The following VPS25 variants were observed in gnomAD, a reference collection of about 807,000 sequenced individuals.
The protein encoded by VPS25 is vacuolar protein-sorting-associated protein 25.
In VPS25, 21 loss-of-function variants were observed where a neutral mutation model predicts 30.3. The ratio of observed to expected loss-of-function variants is 0.69; its 90% CI spans 0.49 to 1.00. VPS25 has a LOEUF of 1.00. Among genes scored for constraint, VPS25 ranks in the 50% least tolerant of loss-of-function variants. The pLI, the probability that VPS25 is intolerant of heterozygous loss-of-function variation, is 0.00. For synonymous variants in VPS25, 101 were observed against 88.1 expected (o/e 1.15, Z -0.82); for missense variants, 156 against 217.2 (o/e 0.72, Z 1.77).
intron 3 of VPS25, chr17:42,774,937 T>C (rs142371799): frequency 2.5e-4 from 108 of 435,744 alleles, no homozygotes; most frequent in African/African-American, 2.0e-3. Flanking sequence ...GCCTTGTAGA[T>C]AATAATAGTA....
intron 5 of VPS25, among the ~76,000 whole-genome samples, chr17:42,776,616 C>G (rs1482440077): frequency 6.6e-6 from 1 of 151,116 alleles, no homozygotes; most frequent in African/African-American, 2.4e-5. Flanking sequence ...CCTGCCTTGG[C>G]CTCCCAAAGT....
intron 2 of VPS25, among the ~76,000 whole-genome samples, 167 bp from the exon 3 acceptor site, chr17:42,774,479 C>T (rs1266946553): frequency 6.6e-6 from 1 of 151,374 alleles, no homozygotes; most frequent in Non-Finnish European, 1.5e-5. Context: ...TTCTCTTTAC[C>T]TTCCTCCTTT....
intron 3 of VPS25, 35 bp downstream of exon 3, chr17:42,774,734 C>G: frequency 6.3e-7 from 1 of 1,598,066 alleles, no homozygotes; most frequent in Non-Finnish European, 8.6e-7. Flanking sequence ...TATTTTTCTT[C>G]CTAGTTGGGT....
In VPS25 at chr17:42,774,653, T is replaced by G; in HGVS notation, c.207T>G (p.Leu69=). The G allele has an allele frequency of 1.2e-6, 2 of 1,612,664 alleles. No individual in the cohort carries two copies. Residue 69 remains leucine (L), a synonymous_variant, in exon 3 of 6, where the codon CTT becomes CTG. Coordinates refer to ENST00000253794, the MANE Select transcript of VPS25 (RefSeq NM_032353.4). Reference sequence around the variant, plus strand: ...CCCTTAACCTTAAACCAGGAAAGCTTCCTGTGGAGTCGATCCAGATTGTAT... The same window carrying G: ...CCCTTAACCTTAAACCAGGAAAGCTGCCTGTGGAGTCGATCCAGATTGTAT... The part of the protein sequence containing the change: ...LFNNVKLQRK[L]PVESIQIVLE...
Position 42,773,812 on chromosome 17 carries a change from A to C in VPS25, c.133A>C (p.Lys45Gln), listed in dbSNP as rs540874574. ...SLVLSFCRLH[K>Q]QSSMTVMEAQ... is the part of the protein sequence containing the mutation. ...GGTCCTGTCCTTCTGCCGCCTGCAC[A>C]AACAGTCCAGCATGACGGTGATGGA... is the stretch of plus-strand genomic sequence containing the variant. The change falls in exon 2 of 6, where the codon AAA becomes CAA. Residue 45 changes from lysine to glutamine, a missense_variant. Coordinates refer to ENST00000253794, the MANE Select transcript of VPS25 (RefSeq NM_032353.4). 66 of 1,614,132 alleles carry C rather than the reference A, an allele frequency of 4.1e-5. No homozygotes were observed. The highest frequency in any genetic ancestry group is 3.5e-4 in the Admixed American group (21 of 60,018).
intron 5 of VPS25, among the ~76,000 whole-genome samples, chr17:42,777,986 CAGCACTGT>C (rs1760941886): frequency 6.6e-6 from 1 of 152,062 alleles, no homozygotes; most frequent in Non-Finnish European, 1.5e-5. Flanking sequence ...CCCATGATTT[CAGCACTGT>C]AGCCTTGCCT....
At chr17:42,777,206 G>A (rs1019830322) in intron 5 of VPS25, among the ~76,000 whole-genome samples, 3 of 151,982 alleles carry the variant, frequency 2.0e-5, no homozygotes, top group African/African-American at 7.2e-5. Context: ...GCAACAGAGC[G>A]AGATGCTATC....
intron 1 of VPS25, 57 bp downstream of exon 1, chr17:42,773,585 G>A: frequency 6.2e-7 from 1 of 1,613,600 alleles, no homozygotes; most frequent in Non-Finnish European, 8.5e-7. Context: ...CCCGGACCCT[G>A]GGCTCAGCCC....
At chr17:42,776,154 C>G in intron 4 of VPS25, 91 bp from the exon 5 acceptor site, 1 of 1,139,694 alleles carries the variant, frequency 8.8e-7, no homozygotes, top group South Asian at 1.4e-5. Flanking sequence ...GAATAGGTAT[C>G]ATTCCTGGAT....
At chr17:42,776,661 CTGT>C (rs2054437780) in intron 5 of VPS25, among the ~76,000 whole-genome samples, 1 of 142,170 alleles carries the variant, frequency 7.0e-6, no homozygotes. Context: ...TGTGCCCCGC[CTGT>C]TTTTTTTTTT....
intron 3 of VPS25, chr17:42,775,043 A>T (rs760679630): frequency 3.0e-5 from 11 of 363,756 alleles, no homozygotes; most frequent in Non-Finnish European, 5.5e-5. Context: ...TTAGTTCATG[A>T]TACTTTTTTT....
Position 42,779,145 on chromosome 17 carries a change from C to A in VPS25, c.*76C>A. 7.4e-7 allele frequency: 1 copy of A among 1,351,818 alleles called. No individual in the cohort carries two copies. The highest frequency in any genetic ancestry group is 1.0e-6 in the Non-Finnish European group (1 of 967,196). 83.7% of individuals were successfully genotyped at this position (1,351,818 alleles called of 1,614,324 possible). A position where few individuals can be genotyped will look rare whatever the true frequency, so the allele number is the denominator to read the frequency against. Reference sequence around the variant, plus strand: ...AAAAGGAGACAGACCCAGTGTCCCCCAAAGACTGGATCTGTGACTCCACCA... The same window carrying A: ...AAAAGGAGACAGACCCAGTGTCCCCAAAAGACTGGATCTGTGACTCCACCA... On this transcript the variant is annotated 3_prime_UTR_variant, in exon 6 of 6. Transcript: ENST00000253794.
intron 5 of VPS25, among the ~76,000 whole-genome samples, chr17:42,777,176 G>A (rs927353794): frequency 8.5e-5 from 13 of 152,232 alleles, no homozygotes; most frequent in Admixed American, 6.5e-5. Context: ...CTATGATCAC[G>A]CCACTGCACT....
At chr17:42,778,863 G>T in intron 5 of VPS25, 94 bp from the exon 6 acceptor site, 1 of 1,122,160 alleles carries the variant, frequency 8.9e-7, no homozygotes, top group East Asian at 2.5e-5. Flanking sequence ...TGCATACCCT[G>T]CCTCTGGGAG....
intron 5 of VPS25, 59 bp downstream of exon 5, chr17:42,776,379 C>T: frequency 2.0e-6 from 3 of 1,524,222 alleles, no homozygotes; most frequent in Non-Finnish European, 2.7e-6. Context: ...TTTTGTTTTT[C>T]CGATATGGAG....
chr17:42,776,268 C>T lies in VPS25; in HGVS notation c.366C>T (p.Asn122=), dbSNP rs1293243331. ...YQWVSRSGQN[N]SVFTLYELTN... ...AGGTTTCCAGGAGTGGCCAGAACAACTCCGTCTTTACCCTGTATGAACTGA... is the reference window on the plus strand; with the variant it reads ...AGGTTTCCAGGAGTGGCCAGAACAATTCCGTCTTTACCCTGTATGAACTGA... The change falls in exon 5 of 6, where the codon AAC becomes AAT. Residue 122 remains asparagine, a synonymous_variant. Coordinates refer to ENST00000253794, the MANE Select transcript of VPS25 (RefSeq NM_032353.4). The T allele has an allele frequency of 6.2e-7, 1 of 1,613,642 alleles. No individual in the cohort carries two copies. The highest frequency in any genetic ancestry group is 1.3e-5 in the African/African-American group (1 of 75,024).
At position 42,775,377 on chromosome 17, in the gene VPS25, A is replaced by G; in HGVS notation, c.254-4A>G. 4.3e-6 allele frequency: 7 copies of G among 1,613,286 alleles called. No individual in the cohort carries two copies. The highest frequency in any genetic ancestry group is 5.9e-6 in the Non-Finnish European group (7 of 1,179,380). ...TTATGCTTTCATAAGTATCTGTTTT[A>G]CAGGGAACCTCGAGTGGTTGGATAA... On this transcript the variant is annotated splice_region_variant and splice_polypyrimidine_tract_variant and intron_variant, in intron 3 of 5. Coordinates refer to ENST00000253794, the MANE Select transcript of VPS25 (RefSeq NM_032353.4).
chr17:42,775,803 T>TC (rs2054432387), intron 4 of VPS25, among the ~76,000 whole-genome samples: 1 of 151,838 alleles, frequency 6.6e-6, no homozygotes, highest in African/African-American at 2.4e-5. Context: ...CTGGGGCCCC[T>TC]CCCCCACTGC....
rs550343287 is a variant in VPS25, at chr17:42,779,576, A to T, written c.*507A>T. The T allele has an allele frequency of 1.3e-5, 2 of 159,770 alleles. No individual in the cohort carries two copies. The highest frequency in any genetic ancestry group is 1.2e-4 in the Admixed American group (2 of 17,100). The allele number at this position is 159,770 out of a possible 1,614,324, so 9.9% of individuals were successfully genotyped here. A position where few individuals can be genotyped will look rare whatever the true frequency, so the allele number is the denominator to read the frequency against. ...GAGAGGTGTGGCCCCACACCGATTT[A>T]TGATATTAAAATCTCAACTCCCACT... On this transcript the variant is annotated 3_prime_UTR_variant, in exon 6 of 6. Coordinates refer to ENST00000253794, the MANE Select transcript of VPS25 (RefSeq NM_032353.4).
Sources: gnomAD v4.1 joint callset for allele counts (sites outside exome capture counted in the v4.1 genomes callset) on GRCh38, gnomAD v4.1.1 for gene constraint, MANE v1.5 for transcripts, NCBI Gene and HGNC (gene_info 2026-07-23, HGNC 2026-07-21) for gene names.